The following SGMS1 variants were observed in gnomAD, a reference collection of about 807,000 sequenced individuals.
The protein encoded by SGMS1 is sphingomyelin synthase 1.
Under a neutral mutation model 46.2 loss-of-function variants are expected in SGMS1, and 13 were observed. The observed-to-expected ratio is 0.28, with a 90% CI of 0.18 to 0.45. SGMS1 has a LOEUF of 0.45. Ranked by LOEUF, SGMS1 falls within the 20% of genes least tolerant of loss-of-function variation. The probability of loss-of-function intolerance (pLI) is 1.00; values close to 1 mark genes in which losing one functional copy is unlikely to be tolerated. For missense variants in SGMS1, 324 were observed against 519.9 expected, an observed-to-expected ratio of 0.62 and a Z score of 3.66; for synonymous variants, 203 against 187.8, an observed-to-expected ratio of 1.08 and a Z score of -0.66.
chr10:50,598,901 C>A (rs1302665565), intron 1 of SGMS1, among the ~76,000 whole-genome samples: 1 of 151,900 alleles, frequency 6.6e-6, no homozygotes, highest in African/African-American at 2.4e-5. Context: ...AGGAGAAATA[C>A]CCAGACAGGA....
rs1588858899 is a variant in SGMS1, at chr10:50,510,606, C to G, written c.-498+9225G>C. On this transcript the variant is annotated intron_variant, in intron 3 of 10. Transcript: ENST00000361781. ...TTTTAATAGATGTGTAGTGGTATCT[C>G]TGTGTTTTTTTTTTACTTTTGATTT... Among the ~76,000 whole-genome samples the G allele has an allele frequency of 2.6e-4, 12 of 46,318 alleles. No individual in the cohort carries two copies. In the South Asian group the frequency reaches 6.9e-3, roughly 27 times the overall value. The allele number at this position is 46,318 out of a possible 152,430, so 30.4% of individuals were successfully genotyped here. A position where few individuals can be genotyped will look rare whatever the true frequency, so the allele number is the denominator to read the frequency against.
At chr10:50,309,197 T>A (rs1362759294) in intron 9 of SGMS1, among the ~76,000 whole-genome samples, 2 of 152,158 alleles carry the variant, frequency 1.3e-5, no homozygotes, top group African/African-American at 4.8e-5. Flanking sequence ...CAATTTTAAA[T>A]GGAGCAGTTA....
At position 50,613,545 on chromosome 10, in the gene SGMS1, C is replaced by T. The variant is rs1263139864; in HGVS notation, c.-684+10162G>A. ...CCTCTCTAGCCTCTTCAGTCGGCCC[C>T]TGGCAATCCCCCCATCCTCTCTGCC... On this transcript the variant is annotated intron_variant, in intron 1 of 10. Transcript: ENST00000361781. Among the ~76,000 whole-genome samples, 4 of 152,210 alleles carry T rather than the reference C, an allele frequency of 2.6e-5. No individual in the cohort carries two copies. In the East Asian group the frequency reaches 7.7e-4, roughly 29 times the overall value.
rs1182014476 is a variant in SGMS1, at chr10:50,583,082, A to G, written c.-589+7071T>C. On this transcript the variant is annotated intron_variant, in intron 2 of 10. Coordinates refer to ENST00000361781, the MANE Select transcript of SGMS1 (RefSeq NM_147156.4). The stretch of plus-strand genomic sequence containing the variant: ...AATGTCCATTAATTCGATCCTTCTC[A>G]GAACTCTTTTAGGTAAATACCTTTA... 2.0e-5 allele frequency among the ~76,000 whole-genome samples: 3 copies of G among 152,150 alleles called. No homozygotes were observed. In the East Asian group the frequency reaches 5.8e-4, roughly 29 times the overall value.
chr10:50,563,402 T>C (rs573428375), intron 2 of SGMS1, among the ~76,000 whole-genome samples: 5 of 152,302 alleles, frequency 3.3e-5, no homozygotes, highest in Admixed American at 3.3e-4. Context: ...AATGAACTTC[T>C]ATAAAACACA....
At chr10:50,545,707 G>A (rs972918638) in intron 2 of SGMS1, among the ~76,000 whole-genome samples, 17 of 152,254 alleles carry the variant, frequency 1.1e-4, no homozygotes, top group Admixed American at 5.2e-4. Flanking sequence ...AAAATGCTGG[G>A]ATTACAGACG....
At chr10:50,594,384 T>C (rs532306988) in intron 1 of SGMS1, among the ~76,000 whole-genome samples, 31 of 152,244 alleles carry the variant, frequency 2.0e-4, no homozygotes, top group Non-Finnish European at 2.9e-5. Context: ...CTGACTGGTA[T>C]CTTCTTGAAG....
Position 50,490,990 on chromosome 10 carries a change from T to A in SGMS1, c.-497-24058A>T, listed in dbSNP as rs78968752. 4.8e-3 allele frequency among the ~76,000 whole-genome samples: 726 copies of A among 152,262 alleles called. 19 individuals carry two copies. In the East Asian group the frequency reaches 0.068, roughly 14 times the overall value. On this transcript the variant is annotated intron_variant, in intron 3 of 10. Transcript: ENST00000361781. ...GAGTAGTGCTTATTCATTAGTGATATTAATTGATATTTTAGCAAACTGTCT... is the reference window on the plus strand; with the variant it reads ...GAGTAGTGCTTATTCATTAGTGATAATAATTGATATTTTAGCAAACTGTCT...
intron 3 of SGMS1, among the ~76,000 whole-genome samples, chr10:50,514,329 C>G (rs925099337): frequency 7.2e-5 from 11 of 152,170 alleles, no homozygotes; most frequent in African/African-American, 2.2e-4. Flanking sequence ...TATCCATTCT[C>G]CCTTTCTTCC....
chr10:50,403,037 T>C (rs1489715821), intron 6 of SGMS1, among the ~76,000 whole-genome samples: 6 of 152,194 alleles, frequency 3.9e-5, no homozygotes, highest in Non-Finnish European at 5.9e-5. Context: ...TCCACCCAAG[T>C]TGCTGCCAAA....
chr10:50,406,012 C>A (rs1309592051), intron 6 of SGMS1, among the ~76,000 whole-genome samples: 1 of 152,066 alleles, frequency 6.6e-6, no homozygotes, highest in Non-Finnish European at 1.5e-5. Flanking sequence ...GAAAACCCCA[C>A]CTAAATATAT....
intron 2 of SGMS1, among the ~76,000 whole-genome samples, chr10:50,528,330 C>T (rs1168895924): frequency 6.6e-6 from 1 of 152,184 alleles, no homozygotes; most frequent in East Asian, 1.9e-4. Context: ...ACAGGTACAA[C>T]ACAGATTTTA....
intron 1 of SGMS1, among the ~76,000 whole-genome samples, chr10:50,618,025 A>T (rs1838814014): frequency 1.3e-5 from 2 of 152,020 alleles, no homozygotes; most frequent in South Asian, 4.2e-4. Flanking sequence ...AGCCTTAATA[A>T]CTCTTAATAA....
intron 2 of SGMS1, among the ~76,000 whole-genome samples, chr10:50,535,232 A>AAC (rs1837989850): frequency 1.3e-5 from 2 of 151,246 alleles, no homozygotes; most frequent in South Asian, 2.1e-4. Flanking sequence ...GTCCATCTCA[A>AAC]AACAACAACA....
intron 5 of SGMS1, among the ~76,000 whole-genome samples, chr10:50,451,388 A>T (rs1263278917): frequency 6.6e-6 from 1 of 152,242 alleles, no homozygotes; most frequent in Non-Finnish European, 1.5e-5. Flanking sequence ...ACATAACTGT[A>T]CCAGGCAACC....
intron 8 of SGMS1, 117 bp from the exon 9 acceptor site, chr10:50,311,532 A>G: frequency 1.4e-6 from 1 of 738,830 alleles, no homozygotes; most frequent in Admixed American, 4.8e-5. Flanking sequence ...TAAAATCCCC[A>G]CCAGGAAGTT....
chr10:50,433,407 C>T (rs1849431306), intron 6 of SGMS1, 69 bp downstream of exon 6: 1 of 152,294 alleles, frequency 6.6e-6, no homozygotes, highest in South Asian at 2.1e-4. Context: ...TATCCTTTTA[C>T]CATGGTTCCT....
chr10:50,354,746 A>T (rs1231762909), intron 6 of SGMS1, among the ~76,000 whole-genome samples: 1 of 152,222 alleles, frequency 6.6e-6, no homozygotes, highest in Non-Finnish European at 1.5e-5. Flanking sequence ...CATTTACAAG[A>T]AAAAAACAAA....
At chr10:50,390,922 G>A (rs533154722) in intron 6 of SGMS1, among the ~76,000 whole-genome samples, 3 of 152,276 alleles carry the variant, frequency 2.0e-5, no homozygotes, top group Admixed American at 1.3e-4. Context: ...GCCTGGGTCT[G>A]GGGTAGCAGT....
Sources: gnomAD v4.1 joint callset for allele counts (sites outside exome capture counted in the v4.1 genomes callset) on GRCh38, gnomAD v4.1.1 for gene constraint, MANE v1.5 for transcripts, NCBI Gene and HGNC (gene_info 2026-07-23, HGNC 2026-07-21) for gene names.